Variants in NRXN3 observed in about 807,000 individuals in gnomAD.
The protein encoded by NRXN3 is neurexin III.
NRXN3 carries 32 observed loss-of-function variants against 137.6 expected under a neutral mutation model. The observed-to-expected ratio is 0.23, with a 90% CI of 0.18 to 0.31. The LOEUF is 0.31. NRXN3 is among the 10% of genes least tolerant of loss of function. The pLI is 1.00. For synonymous variants in NRXN3, 798 were observed against 784.5 expected (o/e 1.02, Z -0.29); for missense variants, 1,574 against 2,062.5 (o/e 0.76, Z 4.59).
At chr14:78,440,170 T>C (rs2094197456) in intron 4 of NRXN3, among the ~76,000 whole-genome samples, 1 of 152,248 alleles carries the variant, frequency 6.6e-6, no homozygotes, top group Admixed American at 6.5e-5. Context: ...TGTGTCTTCC[T>C]GCATAGTTGC....
At chr14:78,821,348 A>G (rs2098950196) in intron 10 of NRXN3, among the ~76,000 whole-genome samples, 1 of 152,058 alleles carries the variant, frequency 6.6e-6, no homozygotes, top group African/African-American at 2.4e-5. Flanking sequence ...GAAACACAAA[A>G]GCGAGAGAGA....
chr14:79,534,835 A>C (rs2097198070), intron 16 of NRXN3, among the ~76,000 whole-genome samples: 2 of 152,192 alleles, frequency 1.3e-5, no homozygotes, highest in South Asian at 4.1e-4. Flanking sequence ...AATGTCCTGG[A>C]ACACCAGAAG....
At chr14:79,234,314 A>T (rs1487830394) in intron 15 of NRXN3, among the ~76,000 whole-genome samples, 2 of 107,780 alleles carry the variant, frequency 1.9e-5, no homozygotes, top group African/African-American at 8.2e-5. Flanking sequence ...ATATATATAT[A>T]TATATATATA....
intron 2 of NRXN3, among the ~76,000 whole-genome samples, chr14:78,249,771 G>A (rs1346846866): frequency 6.6e-6 from 1 of 152,044 alleles, no homozygotes; most frequent in Non-Finnish European, 1.5e-5. Flanking sequence ...CTCCTATGAA[G>A]TTAATACCAT....
chr14:78,397,688 C>A (rs2091613344), intron 4 of NRXN3, among the ~76,000 whole-genome samples: 2 of 151,896 alleles, frequency 1.3e-5, no homozygotes, highest in Non-Finnish European at 2.9e-5. Flanking sequence ...ACTGCAACCT[C>A]TACCTCCCGG....
In NRXN3 at chr14:79,420,936, G is replaced by A. The variant is rs149795787; in HGVS notation, c.3263-46285G>A. Among the ~76,000 whole-genome samples the A allele has an allele frequency of 3.3e-5, 5 of 152,212 alleles. No homozygotes were observed. The East Asian group carries it at 5.8e-4, about 18-fold the overall frequency. On this transcript the variant is annotated intron_variant, in intron 15 of 20. Transcript: ENST00000335750. ...AACGCACTGAACAAATATTAACTGA[G>A]TGCCTCTTCTGGGCTGAGATAAGAA...
At chr14:79,527,827 T>C (rs113130864) in intron 16 of NRXN3, among the ~76,000 whole-genome samples, 9,838 of 148,104 alleles carry the variant, frequency 0.066, 737 homozygotes, top group African/African-American at 0.18. Flanking sequence ...GCCGAGTTTG[T>C]GCCACTGTAC....
chr14:79,087,395 G>A (rs1030214891), intron 15 of NRXN3, among the ~76,000 whole-genome samples: 2 of 152,054 alleles, frequency 1.3e-5, no homozygotes, highest in Admixed American at 6.6e-5. Flanking sequence ...TAGGAAGTCG[G>A]CACAACAGAC....
chr14:79,672,992 T>A (rs1240837888), intron 17 of NRXN3, among the ~76,000 whole-genome samples: 1 of 152,050 alleles, frequency 6.6e-6, no homozygotes, highest in African/African-American at 2.4e-5. Flanking sequence ...TCATTTATAC[T>A]TCTATAAAGC....
chr14:79,816,859 G>A (rs1356484740), intron 20 of NRXN3, among the ~76,000 whole-genome samples: 2 of 152,112 alleles, frequency 1.3e-5, no homozygotes, highest in Non-Finnish European at 2.9e-5. Flanking sequence ...ACTGCAGAAA[G>A]CAACTGCAGT....
At chr14:79,559,735 A>G (rs995275905) in intron 16 of NRXN3, among the ~76,000 whole-genome samples, 80 of 152,212 alleles carry the variant, frequency 5.3e-4, no homozygotes, top group African/African-American at 1.8e-3. Flanking sequence ...CATAATATCT[A>G]CAAAGTGCAA....
At chr14:78,904,878 C>T (rs1020108393) in intron 10 of NRXN3, among the ~76,000 whole-genome samples, 108 of 152,172 alleles carry the variant, frequency 7.1e-4, no homozygotes, top group Non-Finnish European at 7.8e-4. Context: ...TTCCTATTTT[C>T]CCTTCCACAA....
chr14:78,966,257 G>A lies in NRXN3; in HGVS notation c.2628G>A (p.Lys876=), dbSNP rs372916222. 1 of 1,614,196 alleles carries A rather than the reference G, an allele frequency of 6.2e-7. No homozygotes were observed. Among genetic ancestry groups the A allele is most frequent in the Non-Finnish European group, 8.5e-7 (1 of 1,180,032 alleles). The stretch of plus-strand genomic sequence containing the variant: ...TCATCGCTGACCCTGTCACCTTTAA[G>A]ACCAAGAGCAGCTACCTGAGCCTTG... ...RNIIADPVTF[K]TKSSYLSLAT... The change falls in exon 12 of 21, where the codon AAG becomes AAA. Residue 876 remains lysine, a synonymous_variant. Transcript: ENST00000335750.
chr14:79,196,646 G>C (rs2065171479), intron 15 of NRXN3, among the ~76,000 whole-genome samples: 2 of 151,956 alleles, frequency 1.3e-5, no homozygotes, highest in South Asian at 4.2e-4. Context: ...GATATAGATA[G>C]ATAGATATAG....
At chr14:78,538,689 G>A (rs1221407814) in intron 4 of NRXN3, among the ~76,000 whole-genome samples, 3 of 151,966 alleles carry the variant, frequency 2.0e-5, no homozygotes, top group Admixed American at 2.0e-4. Flanking sequence ...CCTGTCTTGT[G>A]CCAGTTTTCA....
At chr14:79,787,180 T>C (rs969482742) in intron 19 of NRXN3, among the ~76,000 whole-genome samples, 6 of 152,248 alleles carry the variant, frequency 3.9e-5, no homozygotes, top group African/African-American at 1.4e-4. Flanking sequence ...TTATGGACTT[T>C]TATGGACCAC....
At chr14:78,608,372 A>T (rs2097270166) in intron 4 of NRXN3, among the ~76,000 whole-genome samples, 1 of 152,234 alleles carries the variant, frequency 6.6e-6, no homozygotes, top group East Asian at 1.9e-4. Flanking sequence ...GTTATCATCC[A>T]AAGCCACTCT....
intron 16 of NRXN3, among the ~76,000 whole-genome samples, chr14:79,570,158 G>T (rs991713340): frequency 6.6e-5 from 10 of 152,118 alleles, no homozygotes; most frequent in African/African-American, 2.2e-4. Context: ...TTCCACGCTA[G>T]AACACAGTCG....
At chr14:79,008,112 T>A (rs958042959) in intron 15 of NRXN3, among the ~76,000 whole-genome samples, 1 of 152,150 alleles carries the variant, frequency 6.6e-6, no homozygotes, top group Non-Finnish European at 1.5e-5. Context: ...TTATTCGGTA[T>A]TTTGGGGGGG....
Sources: allele counts gnomAD v4.1 joint callset (sites outside exome capture counted in the v4.1 genomes callset), GRCh38; gene constraint gnomAD v4.1.1; transcripts MANE v1.5; gene names NCBI Gene and HGNC (gene_info 2026-07-23, HGNC 2026-07-21).